BIRC3: variants seen among roughly 807,000 people sequenced by gnomAD.
The protein encoded by BIRC3 is baculoviral IAP repeat-containing protein 3.
BIRC3 carries 26 observed loss-of-function variants against 59.0 expected under a neutral mutation model. The observed-to-expected ratio is 0.44, with a 90% CI of 0.32 to 0.61. The LOEUF is 0.61. BIRC3 is among the 20% of genes least tolerant of loss of function. The probability of loss-of-function intolerance (pLI) is 0.04; values close to 1 mark genes in which losing one functional copy is unlikely to be tolerated. For synonymous variants in BIRC3, 243 were observed against 249.2 expected (o/e 0.98, Z 0.24); for missense variants, 641 against 711.5 (o/e 0.90, Z 1.13).
At position 102,338,130 on chromosome 11, in the gene BIRC3, T is replaced by C; in HGVS notation, c.*1028T>C. The stretch of plus-strand genomic sequence containing the variant: ...AAATAAATCTGTTTCATATTGTCAG[T>C]GCAACAAAATGTCCCCCTCTGCATT... On this transcript the variant is annotated 3_prime_UTR_variant, in exon 9 of 9. Transcript: ENST00000263464. 4.4e-6 allele frequency: 1 copy of C among 228,324 alleles called. No individual in the cohort carries two copies. The highest frequency in any genetic ancestry group is 8.7e-6 in the Non-Finnish European group (1 of 114,998). 14.1% of individuals were successfully genotyped at this position (228,324 alleles called of 1,614,324 possible). A position where few individuals can be genotyped will look rare whatever the true frequency, so the allele number is the denominator to read the frequency against.
intron 6 of BIRC3, among the ~76,000 whole-genome samples, chr11:102,333,359 T>G (rs1358354474): frequency 6.6e-6 from 1 of 151,818 alleles, no homozygotes; most frequent in Non-Finnish European, 1.5e-5. Flanking sequence ...GCCCAGGAGT[T>G]CAAGACCAGG....
rs1257804804 is a variant in BIRC3, at chr11:102,323,211, C to T, written c.-1299C>T. ...TTGAGGGGGACAAAAAATTTAAAAT[C>T]TTTGAAAGGTCTTATTTTACAGCCA... On this transcript the variant is annotated 5_prime_UTR_variant, in exon 2 of 9. Transcript: ENST00000263464. 1.0e-5 allele frequency: 2 copies of T among 198,194 alleles called. No individual in the cohort carries two copies. Among genetic ancestry groups the T allele is most frequent in the African/African-American group, 2.3e-5 (1 of 43,330 alleles). 12.3% of individuals were successfully genotyped at this position (198,194 alleles called of 1,614,324 possible).
Position 102,338,091 on chromosome 11 carries a change from C to A in BIRC3, c.*989C>A. The A allele has an allele frequency of 4.4e-6, 1 of 228,302 alleles. No homozygotes were observed. Among genetic ancestry groups the A allele is most frequent in the Non-Finnish European group, 8.7e-6 (1 of 114,988 alleles). The allele number at this position is 228,302 out of a possible 1,614,324, so 14.1% of individuals were successfully genotyped here. A position where few individuals can be genotyped will look rare whatever the true frequency, so the allele number is the denominator to read the frequency against. On this transcript the variant is annotated 3_prime_UTR_variant, in exon 9 of 9. Coordinates refer to ENST00000263464, the MANE Select transcript of BIRC3 (RefSeq NM_001165.5). ...ACTGGTTAGCAATGCTTGGGACCAA[C>A]AGGTTGTTCTGGTAAATAAATCTGT...
At chr11:102,318,955 A>G (rs1263275114) in intron 1 of BIRC3, among the ~76,000 whole-genome samples, 2 of 152,166 alleles carry the variant, frequency 1.3e-5, no homozygotes, top group African/African-American at 4.8e-5. Flanking sequence ...GGAGACATTA[A>G]CCATACACAC....
chr11:102,335,936 A>G (rs773010536), intron 6 of BIRC3, 30 bp from the exon 7 acceptor site: 6 of 1,582,288 alleles, frequency 3.8e-6, no homozygotes, highest in Non-Finnish European at 5.1e-6. Flanking sequence ...GAGTTTGAAC[A>G]TGTTTATGCT....
intron 3 of BIRC3, among the ~76,000 whole-genome samples, chr11:102,326,349 T>C (rs879352601): frequency 6.6e-6 from 1 of 152,228 alleles, no homozygotes; most frequent in Admixed American, 6.5e-5. Flanking sequence ...TCATCTGTTT[T>C]AGTCGCCACG....
chr11:102,324,750 A>G lies in BIRC3; in HGVS notation c.241A>G (p.Ser81Gly), dbSNP rs780321660. 5 of 1,614,118 alleles carry G rather than the reference A, an allele frequency of 3.1e-6. No homozygotes were observed. The Admixed American group carries it at 8.3e-5, about 27-fold the overall frequency. ...LMLDNWKRGD[S>G]PTEKHKKLYP... ...GCTGGATAACTGGAAAAGAGGAGAC[A>G]GTCCTACTGAAAAGCATAAAAAGTT... The change falls in exon 2 of 9, where the codon AGT becomes GGT. Residue 81 changes from serine (S) to glycine (G), a missense_variant. Around this residue, in one of 4 missense-constraint regions of BIRC3, gnomAD observed 329 missense variants for 365.6 expected, o/e 0.90. Coordinates refer to ENST00000263464, the MANE Select transcript of BIRC3 (RefSeq NM_001165.5).
chr11:102,333,593 G>A (rs1951167020), intron 6 of BIRC3, among the ~76,000 whole-genome samples: 1 of 150,510 alleles, frequency 6.6e-6, no homozygotes, highest in Admixed American at 6.6e-5. Flanking sequence ...AAGAAAGAAA[G>A]AAAAGCAAAA....
At chr11:102,326,164 T>C (rs1472396051) in intron 3 of BIRC3, among the ~76,000 whole-genome samples, 1 of 152,204 alleles carries the variant, frequency 6.6e-6, no homozygotes, top group Admixed American at 6.5e-5. Flanking sequence ...CAAAGACCCC[T>C]GGTCTCCTAA....
At chr11:102,327,193 T>C (rs974382270) in intron 3 of BIRC3, among the ~76,000 whole-genome samples, 2 of 152,348 alleles carry the variant, frequency 1.3e-5, no homozygotes, top group Admixed American at 6.5e-5. Context: ...AAATTGATTA[T>C]ATGTACATTT....
At chr11:102,332,331 G>T (rs2135789966) in intron 6 of BIRC3, among the ~76,000 whole-genome samples, 1 of 152,284 alleles carries the variant, frequency 6.6e-6, no homozygotes, top group South Asian at 2.1e-4. Context: ...CTTTTAACAA[G>T]CTCTTACTGG....
chr11:102,337,633 A>G lies in BIRC3; in HGVS notation c.*531A>G, dbSNP rs894982044. 2.9e-6 allele frequency: 1 copy of G among 344,104 alleles called. No individual in the cohort carries two copies. The highest frequency in any genetic ancestry group is 5.2e-6 in the Non-Finnish European group (1 of 191,566). 21.3% of individuals were successfully genotyped at this position (344,104 alleles called of 1,614,324 possible). A position where few individuals can be genotyped will look rare whatever the true frequency, so the allele number is the denominator to read the frequency against. On this transcript the variant is annotated 3_prime_UTR_variant, in exon 9 of 9. Transcript: ENST00000263464. ...GTCTTTTTTGATCAGTGTCCTATACATCGAAGGTGTGCATATATGTTGAAT... is the reference window on the plus strand; with the variant it reads ...GTCTTTTTTGATCAGTGTCCTATACGTCGAAGGTGTGCATATATGTTGAAT...
intron 5 of BIRC3, 21 bp downstream of exon 5, chr11:102,328,966 T>C: frequency 7.2e-7 from 1 of 1,395,016 alleles, no homozygotes; most frequent in Admixed American, 2.7e-5. Flanking sequence ...TGGATAATAA[T>C]GAATGCATTT....
At chr11:102,333,843 G>A (rs1187838645) in intron 6 of BIRC3, among the ~76,000 whole-genome samples, 1 of 152,150 alleles carries the variant, frequency 6.6e-6, no homozygotes, top group Non-Finnish European at 1.5e-5. Flanking sequence ...ACTCATGCCT[G>A]TAATCCTAAC....
At chr11:102,329,771 A>G (rs1348984347) in intron 5 of BIRC3, among the ~76,000 whole-genome samples, 3 of 152,114 alleles carry the variant, frequency 2.0e-5, no homozygotes, top group African/African-American at 7.2e-5. Context: ...GGAACATCAC[A>G]CACAGGGCCT....
At position 102,324,245 on chromosome 11, in the gene BIRC3, CA is replaced by C; in HGVS notation, c.-263del. ...CTCTTCTGTGAAGGGTTTTAATTTT[CA>C]ACACAGCTTACTCTGTAGCATCATG... On this transcript the variant is annotated 5_prime_UTR_variant, in exon 2 of 9. Coordinates refer to ENST00000263464, the MANE Select transcript of BIRC3 (RefSeq NM_001165.5). 1 of 324,404 alleles carries C rather than the reference CA, an allele frequency of 3.1e-6. No homozygotes were observed. The highest frequency in any genetic ancestry group is 5.6e-6 in the Non-Finnish European group (1 of 179,314). 20.1% of individuals were successfully genotyped at this position (324,404 alleles called of 1,614,324 possible).
chr11:102,330,181 T>A (rs954134457), intron 5 of BIRC3, among the ~76,000 whole-genome samples: 3 of 151,986 alleles, frequency 2.0e-5, no homozygotes, highest in African/African-American at 7.3e-5. Context: ...GAGTGACAAA[T>A]GGAAGAAAAG....
rs376445512 is a variant in BIRC3, at chr11:102,324,519, G to C, written c.10G>C (p.Val4Leu). The C allele has an allele frequency of 4.9e-5, 79 of 1,610,820 alleles. No individual in the cohort carries two copies. The highest frequency in any genetic ancestry group is 6.5e-5 in the Non-Finnish European group (76 of 1,178,218). Residue 4 changes from valine (V) to leucine (L), a missense_variant, in exon 2 of 9, where the codon GTA (valine) becomes CTA (leucine). Val to Leu is a conservative substitution (Grantham distance 32). Transcript: ENST00000263464. ...CCCCATTCATTTCATTATGAACATA[G>C]TAGAAAACAGCATATTCTTATCAAA... MNI[V>L]ENSIFLSNLM...
chr11:102,335,158 C>T lies in BIRC3; in HGVS notation c.1325-808C>T, dbSNP rs556192890. Among the ~76,000 whole-genome samples the T allele has an allele frequency of 6.6e-5, 10 of 152,286 alleles. No homozygotes were observed. The South Asian group carries it at 2.1e-3, about 32-fold the overall frequency. On this transcript the variant is annotated intron_variant, in intron 6 of 8. Transcript: ENST00000263464. The stretch of plus-strand genomic sequence containing the variant: ...TCAGGAGGCTCAGGCACAAAAATAG[C>T]TTTAACCTGGGAGGCAGAGGTTGCA...
Sources: allele counts gnomAD v4.1 joint callset (sites outside exome capture counted in the v4.1 genomes callset), GRCh38; gene constraint gnomAD v4.1.1; regional missense constraint gnomAD v4.1.1; transcripts MANE v1.5; gene names NCBI Gene and HGNC (gene_info 2026-07-23, HGNC 2026-07-21).